Variants in PTCD1 observed in about 807,000 individuals in gnomAD.
PTCD1 encodes the protein pentatricopeptide repeat-containing protein 1, mitochondrial.
In PTCD1, 50 loss-of-function variants were observed where a neutral mutation model predicts 53.4. The ratio of observed to expected loss-of-function variants is 0.94; its 90% CI spans 0.75 to 1.19. The LOEUF is 1.19. PTCD1 is among the 50% of genes most tolerant of loss of function. PTCD1 has a pLI of 0.00. For synonymous variants in PTCD1, 413 were observed against 394.8 expected (o/e 1.05, Z -0.55); for missense variants, 918 against 904.8 (o/e 1.01, Z -0.19).
At chr7:99,429,865 A>T (rs1367819694) in intron 3 of PTCD1, 59 bp from the exon 4 acceptor site, 40 of 1,602,026 alleles carry the variant, frequency 2.5e-5, no homozygotes, top group Non-Finnish European at 3.2e-5. Context: ...ACAGGTGAGC[A>T]GCTGCCCCAG....
At position 99,429,756 on chromosome 7, in the gene PTCD1, G is replaced by T. The variant is rs184522514; in HGVS notation, c.645C>A (p.Phe215Leu). Residue 215 changes from phenylalanine to leucine, a missense_variant, in exon 4 of 8, where the codon TTC becomes TTA. Phe to Leu is a conservative substitution (Grantham distance 22, BLOSUM62 0). Coordinates refer to ENST00000292478, the MANE Select transcript of PTCD1 (RefSeq NM_015545.4). Reference protein sequence around the residue: ...EPSDATYTALFNVCAESPWKD... With the variant: ...EPSDATYTALLNVCAESPWKD... The stretch of plus-strand genomic sequence containing the variant: ...TCCAGGGGGACTCGGCACAGACGTT[G>T]AACAGGGCCGTGTAGGTGGCGTCCG... 5.0e-6 allele frequency: 8 copies of T among 1,614,220 alleles called. No homozygotes were observed. The highest frequency in any genetic ancestry group is 6.8e-6 in the Non-Finnish European group (8 of 1,180,044).
At chr7:99,436,169 C>T (rs1390911126) in intron 1 of PTCD1, among the ~76,000 whole-genome samples, 3 of 152,066 alleles carry the variant, frequency 2.0e-5, no homozygotes, top group African/African-American at 4.8e-5. Context: ...TCTTGAACTC[C>T]TGGACTCAAG....
rs73711218 is a variant in PTCD1, at chr7:99,417,652, G to A, written c.*2315C>T. ...TTCAGCTCAAAATTCTGCCTTAGTCGACTGCAAGGGATCTTATGTTATTTG... is the reference window on the plus strand; with the variant it reads ...TTCAGCTCAAAATTCTGCCTTAGTCAACTGCAAGGGATCTTATGTTATTTG... On this transcript the variant is annotated 3_prime_UTR_variant, in exon 8 of 8. Coordinates refer to ENST00000292478, the MANE Select transcript of PTCD1 (RefSeq NM_015545.4). 164 of 1,596,732 alleles carry A rather than the reference G, an allele frequency of 1.0e-4. No homozygotes were observed. The highest frequency in any genetic ancestry group is 1.3e-4 in the Non-Finnish European group (149 of 1,177,174).
At chr7:99,427,611 C>A (rs1335406659) in intron 5 of PTCD1, among the ~76,000 whole-genome samples, 2 of 151,204 alleles carry the variant, frequency 1.3e-5, no homozygotes, top group East Asian at 4.1e-4. Context: ...GTGTGCCCAG[C>A]GGCTCATTGA....
At chr7:99,433,469 T>G in intron 2 of PTCD1, 51 bp from the exon 3 acceptor site, 1 of 1,613,178 alleles carries the variant, frequency 6.2e-7, no homozygotes, top group Non-Finnish European at 8.5e-7. Context: ...CCAGAGACCC[T>G]CAGCAGAGAG....
At chr7:99,429,256 T>G (rs1211727732) in intron 4 of PTCD1, 52 bp from the exon 5 acceptor site, 1 of 1,600,802 alleles carries the variant, frequency 6.2e-7, no homozygotes, top group Admixed American at 1.7e-5. Flanking sequence ...AGGCTGGGCA[T>G]GGTAGCTCAT....
At position 99,425,209 on chromosome 7, in the gene PTCD1, G is replaced by A. The variant is rs746232106; in HGVS notation, c.1323C>T (p.Asn441=). Reference sequence around the variant, plus strand: ...GGGGAACGGCCCCGGGGGTCAGGAGGTTGACTTCCAGCTCCACGGGAGGTG... The same window carrying A: ...GGGGAACGGCCCCGGGGGTCAGGAGATTGACTTCCAGCTCCACGGGAGGTG... ...LKPPPVELEV[N]LLTPGAVPPT... The change falls in exon 6 of 8, where the codon AAC becomes AAT. Residue 441 remains asparagine, a synonymous_variant. Transcript: ENST00000292478. 2 of 1,612,434 alleles carry A rather than the reference G, an allele frequency of 1.2e-6. No individual in the cohort carries two copies. The highest frequency in any genetic ancestry group is 2.2e-5 in the South Asian group (2 of 91,054).
intron 6 of PTCD1, 133 bp downstream of exon 6, chr7:99,424,662 C>T: frequency 1.6e-6 from 2 of 1,231,846 alleles, no homozygotes; most frequent in Non-Finnish European, 1.1e-6. Flanking sequence ...AGGTCATTGA[C>T]CCCACTCTCT....
At chr7:99,429,937 G>T in intron 3 of PTCD1, 131 bp from the exon 4 acceptor site, 1 of 1,154,476 alleles carries the variant, frequency 8.7e-7, no homozygotes, top group Non-Finnish European at 1.3e-6. Context: ...CTAAGGCAGA[G>T]CCATGGACAC....
At position 99,425,197 on chromosome 7, in the gene PTCD1, G is replaced by A. The variant is rs35500147; in HGVS notation, c.1335C>T (p.Pro445=). Reference sequence around the variant, plus strand: ...AGACCACTGTAGGGGGAACGGCCCCGGGGGTCAGGAGGTTGACTTCCAGCT... The same window carrying A: ...AGACCACTGTAGGGGGAACGGCCCCAGGGGTCAGGAGGTTGACTTCCAGCT... The part of the protein sequence containing the change: ...PVELEVNLLT[P]GAVPPTVVSF... Residue 445 remains proline (P), a synonymous_variant, in exon 6 of 8, where the codon CCC becomes CCT. Transcript: ENST00000292478. 1,189 of 1,612,786 alleles carry A rather than the reference G, an allele frequency of 7.4e-4. 3 individuals carry two copies. In the African/African-American group the frequency reaches 0.012, roughly 16 times the overall value.
chr7:99,430,366 G>A lies in PTCD1; in HGVS notation c.595-560C>T, dbSNP rs73397471. Among the ~76,000 whole-genome samples, 1,238 of 152,304 alleles carry A rather than the reference G, an allele frequency of 8.1e-3. 23 individuals are homozygous for A. The highest frequency in any genetic ancestry group is 0.029 in the African/African-American group (1,185 of 41,554). ...ACACTCAGCTTACTGAGCCTCCAGG[G>A]GACTAAGGCATGTGCTCAGGGTTGA... is the stretch of plus-strand genomic sequence containing the variant. On this transcript the variant is annotated intron_variant, in intron 3 of 7. Transcript: ENST00000292478.
In PTCD1 at chr7:99,424,852, G is replaced by A; in HGVS notation, c.1680C>T (p.Asn560=). Residue 560 remains asparagine, a synonymous_variant, in exon 6 of 8, where the codon AAC becomes AAT. Transcript: ENST00000292478. The stretch of plus-strand genomic sequence containing the variant: ...TCGGCCTGTGGCACCCGATGGCCAG[G>A]TTGCAGAATGTCTGCAGGTTGGGGA... ...GLVPNLQTFC[N]LAIGCHRPKD... 6.2e-7 allele frequency: 1 copy of A among 1,614,250 alleles called. No homozygotes were observed. Among genetic ancestry groups the A allele is most frequent in the Non-Finnish European group, 8.5e-7 (1 of 1,180,056 alleles).
Position 99,433,064 on chromosome 7 carries a change from G to C in PTCD1, c.594+214C>G, listed in dbSNP as rs1302372390. ...TGTTTTTTTTTGAAGGGAAAAGAAA[G>C]GGAACATGGGGACCGCCACAGTCCA... On this transcript the variant is annotated intron_variant, in intron 3 of 7. Transcript: ENST00000292478. 1.3e-5 allele frequency: 9 copies of C among 670,488 alleles called. No individual in the cohort carries two copies. In the Admixed American group the frequency reaches 2.2e-4, roughly 16 times the overall value. 41.5% of individuals were successfully genotyped at this position (670,488 alleles called of 1,614,324 possible).
intron 1 of PTCD1, among the ~76,000 whole-genome samples, chr7:99,437,554 C>T (rs900263470): frequency 5.9e-5 from 9 of 152,184 alleles, no homozygotes; most frequent in South Asian, 2.1e-4. Context: ...CCGCCCGCCT[C>T]GGCCTCCCGA....
chr7:99,434,673 C>T (rs1796390978), intron 2 of PTCD1, 117 bp downstream of exon 2: 2 of 1,250,640 alleles, frequency 1.6e-6, no homozygotes, highest in Admixed American at 3.4e-5. Flanking sequence ...ATAAGGCTGG[C>T]AGTTCAACAG....
chr7:99,417,184 G>A lies in PTCD1; in HGVS notation c.*2783C>T, dbSNP rs1795535592. Reference sequence around the variant, plus strand: ...TGATTCTCCTGCCTCAGCCTCCTAAGTAGCTGGGATTACAGCTGCTACCAC... The same window carrying A: ...TGATTCTCCTGCCTCAGCCTCCTAAATAGCTGGGATTACAGCTGCTACCAC... On this transcript the variant is annotated 3_prime_UTR_variant, in exon 8 of 8. Coordinates refer to ENST00000292478, the MANE Select transcript of PTCD1 (RefSeq NM_015545.4). 1 of 403,938 alleles carries A rather than the reference G, an allele frequency of 2.5e-6. No homozygotes were observed. Among genetic ancestry groups the A allele is most frequent in the Admixed American group, 4.0e-5 (1 of 25,038 alleles). 25.0% of individuals were successfully genotyped at this position (403,938 alleles called of 1,614,324 possible).
In PTCD1 at chr7:99,419,510, G is replaced by A; in HGVS notation, c.*457C>T. 1 of 1,574,624 alleles carries A rather than the reference G, an allele frequency of 6.4e-7. No individual in the cohort carries two copies. Among genetic ancestry groups the A allele is most frequent in the Non-Finnish European group, 8.7e-7 (1 of 1,153,246 alleles). Reference sequence around the variant, plus strand: ...GCCTGTCACGCCACCCCCTTCCTGGGAGCAGCGAGCAGTGCCCCAGGCCCG... The same window carrying A: ...GCCTGTCACGCCACCCCCTTCCTGGAAGCAGCGAGCAGTGCCCCAGGCCCG... On this transcript the variant is annotated 3_prime_UTR_variant, in exon 8 of 8. Coordinates refer to ENST00000292478, the MANE Select transcript of PTCD1 (RefSeq NM_015545.4).
chr7:99,419,911 CCTGGGG>C lies in PTCD1; in HGVS notation c.*50_*55del. 6.2e-7 allele frequency: 1 copy of C among 1,611,840 alleles called. No individual in the cohort carries two copies. ...CAGGAGGTGACACCAGCTCACTTGT[CCTGGGG>C]CTCCCACAGAGCACTGGGGGCCGAG... On this transcript the variant is annotated 3_prime_UTR_variant, in exon 8 of 8. Transcript: ENST00000292478.
chr7:99,433,060 G>C, intron 3 of PTCD1: 1 of 661,812 alleles, frequency 1.5e-6, no homozygotes, highest in Non-Finnish European at 2.6e-6. Flanking sequence ...GAAGGGAAAA[G>C]AAAGGGAACA....
Sources: allele counts gnomAD v4.1 joint callset (sites outside exome capture counted in the v4.1 genomes callset), GRCh38; gene constraint gnomAD v4.1.1; transcripts MANE v1.5; gene names NCBI Gene and HGNC (gene_info 2026-07-23, HGNC 2026-07-21).